KCNJ6: variants seen among roughly 807,000 people sequenced by gnomAD.
KCNJ6 encodes G protein-activated inward rectifier potassium channel 2.
Under a neutral mutation model 34.2 loss-of-function variants are expected in KCNJ6, and 9 were observed. That is an observed-to-expected ratio of 0.26 (90% CI 0.16 to 0.46). The LOEUF (loss-of-function observed/expected upper bound fraction) is 0.46. Among genes scored for constraint, KCNJ6 ranks in the 20% least tolerant of loss-of-function variants. The probability of loss-of-function intolerance (pLI) is 1.00; values close to 1 mark genes in which losing one functional copy is unlikely to be tolerated. For synonymous variants in KCNJ6, 196 were observed against 207.1 expected (o/e 0.95, Z 0.46); for missense variants, 236 against 531.3 (o/e 0.44, Z 5.46).
intron 1 of KCNJ6, among the ~76,000 whole-genome samples, chr21:37,878,219 AGTTGTAAT>A (rs1451665244): frequency 1.3e-5 from 2 of 152,108 alleles, no homozygotes; most frequent in Non-Finnish European, 2.9e-5. Context: ...CTGAGCATGG[AGTTGTAAT>A]GTCATATCCC....
At chr21:37,846,716 A>G (rs981879013) in intron 1 of KCNJ6, among the ~76,000 whole-genome samples, 2 of 152,180 alleles carry the variant, frequency 1.3e-5, no homozygotes, top group East Asian at 1.9e-4. Flanking sequence ...TTTTCCCAAA[A>G]TACAACCATT....
chr21:37,667,462 CA>C, intron 3 of KCNJ6, among the ~76,000 whole-genome samples: 1 of 151,660 alleles, frequency 6.6e-6, no homozygotes, highest in East Asian at 2.0e-4. Flanking sequence ...AATAGGACAT[CA>C]GGGGTAGTAG....
chr21:37,619,247 A>G lies in KCNJ6; in HGVS notation c.*5912T>C, dbSNP rs1421584674. ...TTGGCTGACTACCTCTGGCATTAGAAATGCTTCCTTAGAAGACAAGGGAGT... is the reference window on the plus strand; with the variant it reads ...TTGGCTGACTACCTCTGGCATTAGAGATGCTTCCTTAGAAGACAAGGGAGT... On this transcript the variant is annotated 3_prime_UTR_variant, in exon 4 of 4. Transcript: ENST00000609713. The G allele has an allele frequency of 6.6e-6, 1 of 152,208 alleles. No homozygotes were observed. The highest frequency in any genetic ancestry group is 1.5e-5 in the Non-Finnish European group (1 of 68,036). The allele number at this position is 152,208 out of a possible 1,614,324, so 9.4% of individuals were successfully genotyped here.
chr21:37,799,631 T>G (rs1018060194), intron 2 of KCNJ6, among the ~76,000 whole-genome samples: 1 of 152,178 alleles, frequency 6.6e-6, no homozygotes, highest in African/African-American at 2.4e-5. Context: ...ATATTCCCAT[T>G]TTGTAAAAAG....
rs371143885 is a variant in KCNJ6 at position 37,714,066 on chromosome 21, T to C, written c.946+145A>G. 82 of 669,348 alleles carry C rather than the reference T, an allele frequency of 1.2e-4. No homozygotes were observed. The East Asian group carries it at 1.2e-3, about 10-fold the overall frequency. 41.5% of individuals were successfully genotyped at this position (669,348 alleles called of 1,614,324 possible). ...GTGGATATACTTCAGGTGAGACATG[T>C]AGGCATACTATGTCATGAAGCAAGG... On this transcript the variant is annotated intron_variant, in intron 3 of 3. Transcript: ENST00000609713. The surrounding 1 kb of genome is among the most constrained non-coding windows in gnomAD (Gnocchi z 5.9).
At chr21:37,682,405 C>T (rs1346063572) in intron 3 of KCNJ6, among the ~76,000 whole-genome samples, 1 of 152,150 alleles carries the variant, frequency 6.6e-6, no homozygotes, top group Admixed American at 6.5e-5. Flanking sequence ...ATTGAAAGCA[C>T]TACAAGAAAA....
chr21:37,636,325 C>T (rs181924494), intron 3 of KCNJ6, among the ~76,000 whole-genome samples: 29 of 152,336 alleles, frequency 1.9e-4, no homozygotes, highest in Non-Finnish European at 4.4e-5. Flanking sequence ...CAAACTGACA[C>T]GCAAACTCAC....
At chr21:37,779,722 T>C (rs1469420110) in intron 2 of KCNJ6, among the ~76,000 whole-genome samples, 1 of 152,210 alleles carries the variant, frequency 6.6e-6, no homozygotes, top group African/African-American at 2.4e-5. Context: ...AAAGCACATG[T>C]GCTAGTGATT....
intron 2 of KCNJ6, among the ~76,000 whole-genome samples, chr21:37,798,997 T>C (rs933821259): frequency 1.3e-5 from 2 of 152,180 alleles, no homozygotes; most frequent in Non-Finnish European, 2.9e-5. Flanking sequence ...GGGGGTTTGT[T>C]GTACCGAATA....
intron 2 of KCNJ6, 75 bp from the exon 3 acceptor site, chr21:37,715,206 TGTATGG>T: frequency 7.8e-7 from 1 of 1,290,080 alleles, no homozygotes; most frequent in South Asian, 1.5e-5. Flanking sequence ...CGGCACACTT[TGTATGG>T]GCTGGTGAAA....
intron 2 of KCNJ6, among the ~76,000 whole-genome samples, chr21:37,776,161 T>C (rs1419594328): frequency 6.6e-6 from 1 of 152,216 alleles, no homozygotes; most frequent in African/African-American, 2.4e-5. Context: ...CTGTTATTGG[T>C]GTATAAGAAT....
chr21:37,734,837 A>T (rs2054904439), intron 2 of KCNJ6, among the ~76,000 whole-genome samples: 1 of 152,166 alleles, frequency 6.6e-6, no homozygotes, highest in Non-Finnish European at 1.5e-5. Flanking sequence ...TATGATTGAT[A>T]TATATAATTG....
intron 3 of KCNJ6, among the ~76,000 whole-genome samples, chr21:37,655,710 T>G (rs1432716093): frequency 6.6e-6 from 1 of 151,800 alleles, no homozygotes; most frequent in Non-Finnish European, 1.5e-5. Context: ...CTCTGATTCT[T>G]AGTGGTAACC....
intron 3 of KCNJ6, among the ~76,000 whole-genome samples, chr21:37,661,624 T>C (rs2054489271): frequency 7.9e-6 from 1 of 126,778 alleles, no homozygotes; most frequent in African/African-American, 3.0e-5. Flanking sequence ...GTTTTTTTTT[T>C]TTTTTTTTTT....
At position 37,897,124 on chromosome 21, in the gene KCNJ6, C is replaced by G. The variant is rs533388815; in HGVS notation, c.-28+18760G>C. Reference sequence around the variant, plus strand: ...AAACAGCATCTCAATGCTGGGCTGACAGTTTTTGGGTATAACTGGGTTCTC... The same window carrying G: ...AAACAGCATCTCAATGCTGGGCTGAGAGTTTTTGGGTATAACTGGGTTCTC... On this transcript the variant is annotated intron_variant, in intron 1 of 3. Transcript: ENST00000609713. Among the ~76,000 whole-genome samples, 67 of 152,324 alleles carry G rather than the reference C, an allele frequency of 4.4e-4. 1 individual carries two copies. Among genetic ancestry groups the G allele is most frequent in the Non-Finnish European group, 2.2e-4 (15 of 68,026 alleles).
intron 1 of KCNJ6, among the ~76,000 whole-genome samples, chr21:37,882,705 G>A (rs767771383): frequency 7.2e-5 from 11 of 152,178 alleles, no homozygotes; most frequent in South Asian, 2.1e-4. Context: ...CAGTCACCAC[G>A]GGCACTTTTA....
intron 3 of KCNJ6, among the ~76,000 whole-genome samples, chr21:37,674,880 G>A (rs566602461): frequency 7.2e-5 from 11 of 152,238 alleles, no homozygotes; most frequent in African/African-American, 2.6e-4. Context: ...AATAAACGAC[G>A]AATGAATAAA....
intron 2 of KCNJ6, chr21:37,719,447 C>T (rs1393688849): frequency 6.6e-6 from 1 of 152,142 alleles, no homozygotes; most frequent in African/African-American, 2.4e-5. Flanking sequence ...GACATTTCTC[C>T]CATGTTACTG....
In KCNJ6 at chr21:37,863,874, T is replaced by TTTTTTTTTTTTC. The variant is rs1239573568; in HGVS notation, c.-27-23166_-27-23165insGAAAAAAAAAAA. Among the ~76,000 whole-genome samples the TTTTTTTTTTTTC allele has an allele frequency of 3.8e-4, 56 of 145,648 alleles. 4 individuals carry two copies. Among genetic ancestry groups the TTTTTTTTTTTTC allele is most frequent in the Non-Finnish European group, 6.9e-4 (46 of 66,566 alleles). The stretch of plus-strand genomic sequence containing the variant: ...TTTTTTTTTTTGTTTTTTTTTTTTT[T>TTTTTTTTTTTTC]TGGTGAAGAGAGAGAAGGTGAGCTT... On this transcript the variant is annotated intron_variant, in intron 1 of 3. Coordinates refer to ENST00000609713, the MANE Select transcript of KCNJ6 (RefSeq NM_002240.5).
Sources: allele counts gnomAD v4.1 joint callset (sites outside exome capture counted in the v4.1 genomes callset), GRCh38; gene constraint gnomAD v4.1.1; non-coding constraint Gnocchi (gnomAD v3.1); transcripts MANE v1.5; gene names NCBI Gene and HGNC (gene_info 2026-07-23, HGNC 2026-07-21).